Variants in CCSER1 observed in about 807,000 individuals in gnomAD.
CCSER1 encodes serine-rich coiled-coil domain-containing protein 1.
In CCSER1, 41 loss-of-function variants were observed where a neutral mutation model predicts 82.0. The observed-to-expected ratio is 0.50, with a 90% CI of 0.39 to 0.65. CCSER1 has a LOEUF of 0.65. Among genes scored for constraint, CCSER1 ranks in the 30% least tolerant of loss-of-function variants. The probability of loss-of-function intolerance (pLI) is 0.00; values close to 1 mark genes in which losing one functional copy is unlikely to be tolerated. For synonymous variants in CCSER1, 414 were observed against 383.9 expected, an observed-to-expected ratio of 1.08 and a Z score of -0.92; for missense variants, 1,119 against 1,064.2, an observed-to-expected ratio of 1.05 and a Z score of -0.72.
intron 10 of CCSER1, among the ~76,000 whole-genome samples, chr4:91,402,893 C>T (rs1020542580): frequency 2.6e-5 from 4 of 152,130 alleles, no homozygotes; most frequent in African/African-American, 9.7e-5. Flanking sequence ...TTTTTGGTTC[C>T]ATATGAACTT....
chr4:90,399,535 A>T lies in CCSER1; in HGVS notation c.1510-501A>T, dbSNP rs181733322. 2.2e-3 allele frequency among the ~76,000 whole-genome samples: 339 copies of T among 152,272 alleles called. 4 individuals carry two copies. The highest frequency in any genetic ancestry group is 7.9e-3 in the African/African-American group (330 of 41,576). On this transcript the variant is annotated intron_variant, in intron 3 of 10. Transcript: ENST00000509176. ...AACAATTCATTAAATGTGTTAGAAG[A>T]ATGTTACCTACATTTGAAATATAAA...
chr4:90,873,180 C>G (rs1766785800), intron 8 of CCSER1, among the ~76,000 whole-genome samples: 1 of 152,036 alleles, frequency 6.6e-6, no homozygotes, highest in Admixed American at 6.6e-5. Context: ...ATCTCTCTGT[C>G]TCTACCTCTT....
chr4:91,475,210 A>G (rs1757523383), intron 10 of CCSER1, among the ~76,000 whole-genome samples: 4 of 151,488 alleles, frequency 2.6e-5, no homozygotes. Flanking sequence ...ATGTGGATTA[A>G]TTTTACTTTT....
chr4:91,050,600 C>G (rs1425745762), intron 9 of CCSER1, among the ~76,000 whole-genome samples: 2 of 152,060 alleles, frequency 1.3e-5, no homozygotes, highest in East Asian at 3.9e-4. Context: ...AACAAAGGAA[C>G]AAAGACCCTG....
At chr4:90,473,274 T>G (rs1764642277) in intron 5 of CCSER1, among the ~76,000 whole-genome samples, 1 of 152,228 alleles carries the variant, frequency 6.6e-6, no homozygotes, top group African/African-American at 2.4e-5. Context: ...TAACTCAATG[T>G]CTGAATGAAG....
chr4:91,032,738 G>A (rs1168611236), intron 9 of CCSER1, among the ~76,000 whole-genome samples: 1 of 152,200 alleles, frequency 6.6e-6, no homozygotes, highest in Non-Finnish European at 1.5e-5. Context: ...TAGTTTCTAA[G>A]ACTTTAATAT....
At chr4:90,582,647 C>T (rs758445727) in intron 5 of CCSER1, among the ~76,000 whole-genome samples, 16 of 152,090 alleles carry the variant, frequency 1.1e-4, no homozygotes, top group Non-Finnish European at 2.1e-4. Context: ...AGGTGAACTC[C>T]TTTGACAGGG....
rs568868397 is a variant in CCSER1 at position 90,663,355 on chromosome 4, T to C, written c.1932+35123T>C. Reference sequence around the variant, plus strand: ...AAGAACCCAGTCAACAAGTGAAACCTGGATGCCTGCTCAGTTCCAAAGCTC... The same window carrying C: ...AAGAACCCAGTCAACAAGTGAAACCCGGATGCCTGCTCAGTTCCAAAGCTC... On this transcript the variant is annotated intron_variant, in intron 6 of 10. Coordinates refer to ENST00000509176, the MANE Select transcript of CCSER1 (RefSeq NM_001145065.2). Among the ~76,000 whole-genome samples the C allele has an allele frequency of 1.2e-4, 19 of 152,364 alleles. No homozygotes were observed. The East Asian group carries it at 3.7e-3, about 29-fold the overall frequency.
At chr4:91,047,599 C>A (rs992404472) in intron 9 of CCSER1, among the ~76,000 whole-genome samples, 1 of 152,138 alleles carries the variant, frequency 6.6e-6, no homozygotes, top group Non-Finnish European at 1.5e-5. Flanking sequence ...TGTGATTCTA[C>A]TGCTGCTCCT....
chr4:90,905,017 G>T (rs1725247971), intron 8 of CCSER1, among the ~76,000 whole-genome samples: 1 of 151,962 alleles, frequency 6.6e-6, no homozygotes, highest in Non-Finnish European at 1.5e-5. Context: ...CTTGGGAGTT[G>T]TTCTTTACTG....
chr4:91,359,632 A>G (rs527921532), intron 10 of CCSER1, among the ~76,000 whole-genome samples: 2 of 152,034 alleles, frequency 1.3e-5, no homozygotes, highest in African/African-American at 4.8e-5. Context: ...CTCAGATCTC[A>G]TAATTTGGTT....
At chr4:91,525,723 A>G (rs1270554020) in intron 10 of CCSER1, among the ~76,000 whole-genome samples, 3 of 152,018 alleles carry the variant, frequency 2.0e-5, no homozygotes, top group Non-Finnish European at 4.4e-5. Flanking sequence ...TCTTACTCCA[A>G]GTACACTCTA....
chr4:91,444,295 T>G (rs1449519661), intron 10 of CCSER1, among the ~76,000 whole-genome samples: 3 of 152,198 alleles, frequency 2.0e-5, no homozygotes, highest in Non-Finnish European at 4.4e-5. Context: ...AATTGTCCAG[T>G]AGAGCATATT....
At chr4:90,478,751 T>G (rs1405299225) in intron 5 of CCSER1, among the ~76,000 whole-genome samples, 1 of 146,004 alleles carries the variant, frequency 6.8e-6, no homozygotes, top group Non-Finnish European at 1.5e-5. Flanking sequence ...TTTTTTTTTA[T>G]TTTTTTGGAG....
At chr4:91,562,668 G>A (rs190196591) in intron 10 of CCSER1, among the ~76,000 whole-genome samples, 87 of 151,628 alleles carry the variant, frequency 5.7e-4, no homozygotes, top group Admixed American at 4.8e-3. Flanking sequence ...GTTTAGCATA[G>A]CCATTTTCAG....
intron 9 of CCSER1, among the ~76,000 whole-genome samples, chr4:90,964,193 G>A (rs750637516): frequency 5.9e-5 from 9 of 152,154 alleles, no homozygotes; most frequent in South Asian, 2.1e-4. Context: ...CTGTAAATAG[G>A]TGCTGATCAC....
intron 10 of CCSER1, among the ~76,000 whole-genome samples, chr4:91,571,524 G>T (rs987763749): frequency 3.3e-5 from 5 of 152,184 alleles, no homozygotes; most frequent in Non-Finnish European, 7.3e-5. Flanking sequence ...TCACAGGGCA[G>T]CAGGAGTGAG....
chr4:91,283,770 A>T (rs371750826), intron 10 of CCSER1, among the ~76,000 whole-genome samples: 38 of 151,914 alleles, frequency 2.5e-4, no homozygotes, highest in East Asian at 5.8e-4. Context: ...TAATGCTGAC[A>T]TCATTTGCTC....
At chr4:91,099,568 C>T (rs1385191294) in intron 10 of CCSER1, among the ~76,000 whole-genome samples, 1 of 152,016 alleles carries the variant, frequency 6.6e-6, no homozygotes, top group Non-Finnish European at 1.5e-5. Context: ...TGGGGCGCAG[C>T]TTGGTTTTTT....
Sources: allele counts gnomAD v4.1 joint callset (sites outside exome capture counted in the v4.1 genomes callset), GRCh38; gene constraint gnomAD v4.1.1; transcripts MANE v1.5; gene names NCBI Gene and HGNC (gene_info 2026-07-23, HGNC 2026-07-21).